Variants in BBS7 observed in about 807,000 individuals in gnomAD.
BBS7 encodes Bardet-Biedl syndrome 7.
In BBS7, 50 loss-of-function variants were observed where a neutral mutation model predicts 90.3. The observed-to-expected ratio is 0.55, with a 90% CI of 0.44 to 0.70. The LOEUF (loss-of-function observed/expected upper bound fraction) is 0.70. Among genes scored for constraint, BBS7 ranks in the 30% least tolerant of loss-of-function variants. BBS7 has a pLI of 0.00. For missense variants in BBS7, 729 were observed against 838.9 expected (o/e 0.87, Z 1.62); for synonymous variants, 235 against 287.4 (o/e 0.82, Z 1.85).
At chr4:121,845,803 T>C in intron 10 of BBS7, 107 bp from the exon 11 acceptor site, 1 of 1,041,208 alleles carries the variant, frequency 9.6e-7, no homozygotes, top group Non-Finnish European at 1.4e-6. Context: ...TGGGTTTTTA[T>C]TGGTTGAGTT....
intron 15 of BBS7, among the ~76,000 whole-genome samples, chr4:121,831,065 C>T (rs1467019163): frequency 1.3e-5 from 2 of 151,894 alleles, no homozygotes; most frequent in Admixed American, 6.6e-5. Flanking sequence ...ATTAGCTGGG[C>T]GTGGTGGCAC....
At chr4:121,863,811 A>G (rs1357676078) in intron 2 of BBS7, among the ~76,000 whole-genome samples, 1 of 152,240 alleles carries the variant, frequency 6.6e-6, no homozygotes. Flanking sequence ...TCATGTGCCT[A>G]TCACCTAGTT....
rs1038012378 is a variant in BBS7 at position 121,845,833 on chromosome 4, G to C, written c.1038-137C>G. 1.2e-5 allele frequency: 9 copies of C among 776,598 alleles called. No homozygotes were observed. The African/African-American group carries it at 1.6e-4, about 14-fold the overall frequency. 48.1% of individuals were successfully genotyped at this position (776,598 alleles called of 1,614,324 possible). A position where few individuals can be genotyped will look rare whatever the true frequency, so the allele number is the denominator to read the frequency against. On this transcript the variant is annotated intron_variant, in intron 10 of 18. Transcript: ENST00000264499. ...TGAGTTAATAAAATAAAAACAAAGG[G>C]AGCAAAATTTTTGCTTCTATGACTG...
rs1724878489 is a variant in BBS7 at position 121,825,838 on chromosome 4, G to A, written c.*22C>T. 2.5e-6 allele frequency: 4 copies of A among 1,610,788 alleles called. No homozygotes were observed. The highest frequency in any genetic ancestry group is 3.4e-6 in the Non-Finnish European group (4 of 1,178,378). On this transcript the variant is annotated 3_prime_UTR_variant, in exon 19 of 19. Transcript: ENST00000264499. ...TTTCATTTAAACAGACCACTTCTTT[G>A]GGACTTTACCTTATTTGTATGTCAT...
Position 121,853,282 on chromosome 4 carries a change from C to T in BBS7, c.719-196G>A, listed in dbSNP as rs188438467. The stretch of plus-strand genomic sequence containing the variant: ...TCTTTAAATATAATCTGTGTGAGAA[C>T]GGCCCCTACATTTATATCTCCCTCC... On this transcript the variant is annotated intron_variant, in intron 7 of 18. Transcript: ENST00000264499. Among the ~76,000 whole-genome samples the T allele has an allele frequency of 5.9e-5, 9 of 152,278 alleles. No individual in the cohort carries two copies. In the East Asian group the frequency reaches 1.2e-3, roughly 20 times the overall value.
intron 8 of BBS7, among the ~76,000 whole-genome samples, chr4:121,849,661 T>C (rs1385004781): frequency 6.6e-6 from 1 of 152,028 alleles, no homozygotes; most frequent in Non-Finnish European, 1.5e-5. Flanking sequence ...ACCCCATCTC[T>C]ACTAAAAATA....
chr4:121,863,224 T>C lies in BBS7; in HGVS notation c.158A>G (p.Glu53Gly). ...TCACAAAGCTATACTTACTGCTGCT[T>C]CTCCTTTCTTCATGCCAAAGCACAT... ...VVMCFGMKKGEAAAVFKTLPG... is the reference protein window; with the variant it reads ...VVMCFGMKKGGAAAVFKTLPG... Residue 53 changes from glutamate to glycine, a missense_variant, in exon 3 of 19, where the codon GAA (glutamate) becomes GGA (glycine). Physicochemically the swap from Glu to Gly is moderately conservative, Grantham distance 98. Coordinates refer to ENST00000264499, the MANE Select transcript of BBS7 (RefSeq NM_176824.3). 6.2e-7 allele frequency: 1 copy of C among 1,613,804 alleles called. No homozygotes were observed. The highest frequency in any genetic ancestry group is 8.5e-7 in the Non-Finnish European group (1 of 1,179,802).
At chr4:121,850,606 T>G (rs1409675181) in intron 8 of BBS7, among the ~76,000 whole-genome samples, 1 of 152,242 alleles carries the variant, frequency 6.6e-6, no homozygotes, top group Non-Finnish European at 1.5e-5. Flanking sequence ...AAAAGATTTG[T>G]GTCATACTCT....
intron 18 of BBS7, 55 bp downstream of exon 18, chr4:121,828,091 G>A (rs1210569996): frequency 6.2e-7 from 1 of 1,607,914 alleles, no homozygotes; most frequent in Admixed American, 1.7e-5. Flanking sequence ...ATGATCCTTG[G>A]GAAATAGCCA....
In BBS7 at chr4:121,859,052, T is replaced by A; in HGVS notation, c.468A>T (p.Glu156Asp). ...KINDVICLPV[E>D]RLSRITPVLA... ...ATACAGGTGTGATACGAGATAATCT[T>A]TCCACTGGAAGGCAGATCACATCAT... The change falls in exon 5 of 19, where the codon GAA (glutamate) becomes GAT (aspartate). Residue 156 changes from glutamate (E) to aspartate (D), a missense_variant. Coordinates refer to ENST00000264499, the MANE Select transcript of BBS7 (RefSeq NM_176824.3). 6.2e-7 allele frequency: 1 copy of A among 1,613,980 alleles called. No individual in the cohort carries two copies. Among genetic ancestry groups the A allele is most frequent in the Non-Finnish European group, 8.5e-7 (1 of 1,179,896 alleles).
intron 8 of BBS7, among the ~76,000 whole-genome samples, chr4:121,849,317 T>C (rs1331166259): frequency 2.6e-5 from 4 of 152,100 alleles, no homozygotes; most frequent in African/African-American, 7.2e-5. Context: ...CCTCCCTCCT[T>C]AGGCCCCAGA....
chr4:121,850,464 C>A (rs750190328), intron 8 of BBS7, among the ~76,000 whole-genome samples: 11 of 152,080 alleles, frequency 7.2e-5, no homozygotes, highest in African/African-American at 1.2e-4. Context: ...CTGTGCCAGG[C>A]CAGAAACTGT....
At chr4:121,831,579 T>C (rs1315954710) in intron 15 of BBS7, among the ~76,000 whole-genome samples, 2 of 152,160 alleles carry the variant, frequency 1.3e-5, no homozygotes, top group African/African-American at 4.8e-5. Flanking sequence ...ATTATAAAAG[T>C]ATATAATATG....
At chr4:121,866,121 C>T (rs1393043780) in intron 2 of BBS7, among the ~76,000 whole-genome samples, 1 of 151,926 alleles carries the variant, frequency 6.6e-6, no homozygotes, top group Non-Finnish European at 1.5e-5. Flanking sequence ...GATATTAATT[C>T]CTTGTTGGAT....
At chr4:121,835,968 C>T (rs180830328) in intron 13 of BBS7, among the ~76,000 whole-genome samples, 1 of 152,176 alleles carries the variant, frequency 6.6e-6, no homozygotes, top group East Asian at 1.9e-4. Flanking sequence ...TCTCTACGTA[C>T]ATGTACAAAA....
chr4:121,860,850 G>T (rs952757855), intron 4 of BBS7, among the ~76,000 whole-genome samples: 1 of 152,078 alleles, frequency 6.6e-6, no homozygotes, highest in African/African-American at 2.4e-5. Flanking sequence ...GGCTGCACTA[G>T]ATTCAAAGGA....
chr4:121,835,080 A>T (rs1725383218), intron 14 of BBS7, 64 bp downstream of exon 14: 3 of 1,548,652 alleles, frequency 1.9e-6, no homozygotes, highest in African/African-American at 2.7e-5. Flanking sequence ...CTATAAAAAT[A>T]AAAAACAGGT....
At chr4:121,861,444 C>T (rs2149087357) in intron 4 of BBS7, 60 bp downstream of exon 4, 1 of 1,503,724 alleles carries the variant, frequency 6.7e-7, no homozygotes, top group Non-Finnish European at 9.1e-7. Flanking sequence ...AGTTGCCTCA[C>T]ATCTATCCAA....
At chr4:121,845,870 C>T (rs1450951864) in intron 10 of BBS7, among the ~76,000 whole-genome samples, 174 bp from the exon 11 acceptor site, 1 of 152,082 alleles carries the variant, frequency 6.6e-6, no homozygotes, top group Admixed American at 6.5e-5. Context: ...CTAAATGATT[C>T]CACATTATTT....
Sources: allele counts gnomAD v4.1 joint callset (sites outside exome capture counted in the v4.1 genomes callset), GRCh38; gene constraint gnomAD v4.1.1; transcripts MANE v1.5; gene names NCBI Gene and HGNC (gene_info 2026-07-23, HGNC 2026-07-21).